The following ZCWPW2 variants were observed in gnomAD, a reference collection of about 807,000 sequenced individuals.
ZCWPW2 encodes the protein zinc finger CW-type and PWWP domain containing 2, also known as zinc finger CW-type PWWP domain protein 2.
Under a neutral mutation model 46.6 loss-of-function variants are expected in ZCWPW2, and 45 were observed. The ratio of observed to expected loss-of-function variants is 0.96; its 90% CI spans 0.76 to 1.24. The LOEUF (loss-of-function observed/expected upper bound fraction) is 1.24. Among genes scored for constraint, ZCWPW2 ranks in the 50% most tolerant of loss-of-function variants. The pLI, the probability that ZCWPW2 is intolerant of heterozygous loss-of-function variation, is 0.00. For missense variants in ZCWPW2, 429 were observed against 403.9 expected (o/e 1.06, Z -0.53); for synonymous variants, 152 against 137.1 (o/e 1.11, Z -0.76).
intron 4 of ZCWPW2, among the ~76,000 whole-genome samples, chr3:28,451,316 A>C (rs1334454308): frequency 1.3e-5 from 2 of 152,180 alleles, no homozygotes; most frequent in African/African-American, 4.8e-5. Flanking sequence ...AGAAACGGAG[A>C]CTCAGCCTAC....
intron 4 of ZCWPW2, chr3:28,461,546 T>C (rs1409636245): frequency 1.3e-5 from 2 of 152,194 alleles, no homozygotes; most frequent in Non-Finnish European, 2.9e-5. Context: ...GCTAATCACA[T>C]AATTCAGGAT....
At chr3:28,461,960 A>G (rs1395291131) in intron 4 of ZCWPW2, among the ~76,000 whole-genome samples, 2 of 152,086 alleles carry the variant, frequency 1.3e-5, no homozygotes, top group Non-Finnish European at 1.5e-5. Context: ...TTAACCAGAC[A>G]CCAGTGGTTG....
intron 5 of ZCWPW2, among the ~76,000 whole-genome samples, chr3:28,488,041 C>A (rs112031792): frequency 5.3e-4 from 81 of 152,060 alleles, no homozygotes; most frequent in Non-Finnish European, 1.1e-3. Context: ...CTTTTCTCCT[C>A]CCCCTGATGG....
At chr3:28,464,191 T>C (rs1336050452) in intron 4 of ZCWPW2, among the ~76,000 whole-genome samples, 1 of 152,040 alleles carries the variant, frequency 6.6e-6, no homozygotes, top group East Asian at 1.9e-4. Flanking sequence ...AGCAATACAG[T>C]ATATTGATAT....
At chr3:28,513,634 G>T (rs1365623582) in intron 6 of ZCWPW2, among the ~76,000 whole-genome samples, 1 of 151,914 alleles carries the variant, frequency 6.6e-6, no homozygotes, top group Non-Finnish European at 1.5e-5. Context: ...AACTCCTTTG[G>T]CCCCTTATCC....
intron 4 of ZCWPW2, among the ~76,000 whole-genome samples, chr3:28,439,980 A>G (rs1325066260): frequency 2.0e-5 from 3 of 152,236 alleles, no homozygotes; most frequent in Non-Finnish European, 4.4e-5. Flanking sequence ...TTGGCAGGTC[A>G]TGGTTTTTTT....
At chr3:28,423,582 G>T (rs1382619183) in intron 3 of ZCWPW2, among the ~76,000 whole-genome samples, 1 of 151,570 alleles carries the variant, frequency 6.6e-6, no homozygotes, top group Non-Finnish European at 1.5e-5. Flanking sequence ...TAGCCAGGAT[G>T]GTCTCGATCT....
At chr3:28,359,813 A>C (rs1704874034) in intron 1 of ZCWPW2, among the ~76,000 whole-genome samples, 1 of 152,066 alleles carries the variant, frequency 6.6e-6, no homozygotes, top group South Asian at 2.1e-4. Flanking sequence ...TTTTCCCCCT[A>C]CACATTGTAG....
intron 1 of ZCWPW2, among the ~76,000 whole-genome samples, chr3:28,366,042 G>T (rs1181228095): frequency 6.6e-6 from 1 of 151,842 alleles, no homozygotes; most frequent in African/African-American, 2.4e-5. Context: ...GGAGATTTTG[G>T]GCTGAGACGA....
intron 2 of ZCWPW2, among the ~76,000 whole-genome samples, chr3:28,409,319 T>G (rs1396924087): frequency 3.3e-5 from 5 of 151,810 alleles, no homozygotes; most frequent in African/African-American, 4.8e-5. Flanking sequence ...TGGGTTTCGC[T>G]ATGTTGACCA....
In ZCWPW2 at chr3:28,478,939, A is replaced by C; in HGVS notation, c.610+8A>C. 1 of 1,521,012 alleles carries C rather than the reference A, an allele frequency of 6.6e-7. No homozygotes were observed. The highest frequency in any genetic ancestry group is 2.2e-5 in the Admixed American group (1 of 45,556). 94.2% of individuals were successfully genotyped at this position (1,521,012 alleles called of 1,614,324 possible). ...GCCTATCAAAACTACAAGGTGTATA[A>C]ATATTTTTTCTTTATTACTCTGAAA... is the stretch of plus-strand genomic sequence containing the variant. On this transcript the variant is annotated splice_region_variant and intron_variant, in intron 5 of 9. Coordinates refer to ENST00000383768, the MANE Select transcript of ZCWPW2 (RefSeq NM_001040432.4).
At chr3:28,353,763 A>C (rs1704635763) in intron 1 of ZCWPW2, among the ~76,000 whole-genome samples, 1 of 152,200 alleles carries the variant, frequency 6.6e-6, no homozygotes, top group South Asian at 2.1e-4. Context: ...AAACATGGTG[A>C]AGAAAAATTA....
intron 5 of ZCWPW2, among the ~76,000 whole-genome samples, chr3:28,480,265 A>T (rs749082566): frequency 6.6e-6 from 1 of 152,092 alleles, no homozygotes; most frequent in Non-Finnish European, 1.5e-5. Flanking sequence ...AGCCATTCTG[A>T]CTAGTGTGAG....
At chr3:28,466,453 A>G (rs1387269671) in intron 4 of ZCWPW2, among the ~76,000 whole-genome samples, 1 of 152,218 alleles carries the variant, frequency 6.6e-6, no homozygotes, top group Non-Finnish European at 1.5e-5. Context: ...CCTAAGAAGC[A>G]ATGTGCAAGA....
intron 6 of ZCWPW2, among the ~76,000 whole-genome samples, chr3:28,508,629 TGCTTCAGCCTCCTGAGTA>T (rs1262370512): frequency 1.3e-5 from 2 of 152,282 alleles, no homozygotes; most frequent in Non-Finnish European, 2.9e-5. Context: ...GCAATTCTCG[TGCTTCAGCCTCCTGAGTA>T]GCTTCAGCCT....
intron 4 of ZCWPW2, among the ~76,000 whole-genome samples, chr3:28,477,311 G>A (rs1319622182): frequency 1.3e-5 from 2 of 152,126 alleles, no homozygotes; most frequent in Admixed American, 1.3e-4. Context: ...GTGTCCAAAA[G>A]TAGAGTTTTG....
chr3:28,448,053 AAC>A (rs1575146494), intron 4 of ZCWPW2: 1 of 334,540 alleles, frequency 3.0e-6, no homozygotes, highest in Non-Finnish European at 5.8e-6. Context: ...TTAAGGTACA[AAC>A]ACAGAGTCAG....
intron 4 of ZCWPW2, among the ~76,000 whole-genome samples, chr3:28,450,672 T>G (rs1015570408): frequency 1.3e-5 from 2 of 152,162 alleles, no homozygotes; most frequent in Non-Finnish European, 2.9e-5. Flanking sequence ...GAGTGGATGT[T>G]TTTGGCCATA....
intron 1 of ZCWPW2, among the ~76,000 whole-genome samples, chr3:28,356,762 C>G (rs879914139): frequency 1.1e-4 from 17 of 152,088 alleles, no homozygotes; most frequent in African/African-American, 3.1e-4. Flanking sequence ...GGACAGTAAA[C>G]CAAACACCGC....
Sources: allele counts gnomAD v4.1 joint callset (sites outside exome capture counted in the v4.1 genomes callset), GRCh38; gene constraint gnomAD v4.1.1; transcripts MANE v1.5; gene names NCBI Gene and HGNC (gene_info 2026-07-23, HGNC 2026-07-21).